LINGO2: variants seen among roughly 807,000 people sequenced by gnomAD.
The protein encoded by LINGO2 is leucine-rich repeat and immunoglobulin-like domain-containing nogo receptor-interacting protein 2.
LINGO2 carries 14 observed loss-of-function variants against 30.6 expected under a neutral mutation model. The ratio of observed to expected loss-of-function variants is 0.46; its 90% confidence interval spans 0.30 to 0.72. LINGO2 has a LOEUF of 0.72. Ranked by LOEUF, LINGO2 falls within the 30% of genes least tolerant of loss-of-function variation. The pLI, the probability that LINGO2 is intolerant of heterozygous loss-of-function variation, is 0.07. For synonymous variants in LINGO2, 317 were observed against 288.5 expected, an observed-to-expected ratio of 1.10 and a Z score of -1.00; for missense variants, 729 against 751.7, an observed-to-expected ratio of 0.97 and a Z score of 0.35.
At chr9:28,705,155 A>C in the LINGO2 span, among the ~76,000 whole-genome samples, 13 of 151,868 alleles carry the variant, frequency 8.6e-5, no homozygotes, top group African/African-American at 2.9e-4. Context: ...GAGCTCAAGC[A>C]ATCCACCCGT....
At chr9:28,598,418 C>CAAAAAAAAA (rs766825127) in intron 1 of LINGO2, among the ~76,000 whole-genome samples, 3 of 109,020 alleles carry the variant, frequency 2.8e-5, no homozygotes, top group South Asian at 3.1e-4. Context: ...TTCTCCATAT[C>CAAAAAAAAA]AAAAAAAAAA....
intron 3 of LINGO2, among the ~76,000 whole-genome samples, chr9:28,322,177 C>T (rs1470540681): frequency 1.3e-5 from 2 of 152,226 alleles, no homozygotes; most frequent in Admixed American, 1.3e-4. Context: ...GCCTGTGCTC[C>T]AACTGTCCCT....
Position 28,184,911 on chromosome 9 carries a change from C to T in LINGO2, c.-87+110297G>A, listed in dbSNP as rs74468441. Among the ~76,000 whole-genome samples, 1,175 of 152,070 alleles carry T rather than the reference C, an allele frequency of 7.7e-3. 19 individuals carry two copies. The highest frequency in any genetic ancestry group is 0.025 in the African/African-American group (1,044 of 41,494). On this transcript the variant is annotated intron_variant, in intron 4 of 5. Transcript: ENST00000379992. ...TTCTCTGGAGAGCATACTAATGATA[C>T]GGTGGCTGTTGAAAGAAAGGGGAAA... is the stretch of plus-strand genomic sequence containing the variant.
At chr9:28,631,694 C>G (rs1285165186) in intron 1 of LINGO2, among the ~76,000 whole-genome samples, 1 of 152,010 alleles carries the variant, frequency 6.6e-6, no homozygotes, top group African/African-American at 2.4e-5. Flanking sequence ...CAAACAGAAG[C>G]ACATATGTTG....
intron 1 of LINGO2, among the ~76,000 whole-genome samples, chr9:28,633,551 TTA>T (rs1282511119): frequency 2.0e-5 from 3 of 152,150 alleles, no homozygotes; most frequent in African/African-American, 7.2e-5. Context: ...CTTAAATAAT[TTA>T]TGTGTCTTTT....
chr9:28,542,413 C>T (rs1228742058), intron 1 of LINGO2, among the ~76,000 whole-genome samples: 4 of 151,966 alleles, frequency 2.6e-5, no homozygotes, highest in African/African-American at 9.7e-5. Flanking sequence ...CTCTGAGAGG[C>T]TCTTGTGCCA....
At chr9:28,745,219 C>A in the LINGO2 span, among the ~76,000 whole-genome samples, 36 of 152,082 alleles carry the variant, frequency 2.4e-4, no homozygotes, top group Non-Finnish European at 5.0e-4. Flanking sequence ...TATGGGTTGC[C>A]CCTGAGTCAG....
intron 4 of LINGO2, among the ~76,000 whole-genome samples, chr9:28,242,512 A>G (rs1052290146): frequency 6.6e-6 from 1 of 152,182 alleles, no homozygotes; most frequent in African/African-American, 2.4e-5. Context: ...AGTACCTGAA[A>G]GAGACAGGGT....
chr9:28,201,712 T>C (rs1455551908), intron 4 of LINGO2, among the ~76,000 whole-genome samples: 1 of 152,116 alleles, frequency 6.6e-6, no homozygotes, highest in East Asian at 1.9e-4. Context: ...AAAAGTGTTA[T>C]AATGCCATTT....
rs147973482 is a variant in LINGO2 at position 28,208,672 on chromosome 9, G to A, written c.-87+86536C>T. On this transcript the variant is annotated intron_variant, in intron 4 of 5. Coordinates refer to ENST00000379992, the Ensembl canonical transcript of LINGO2. ...TTGCTATCACTATGTTGGCTGGGTG[G>A]GGAGACCTAGGCCTTTAACTGCTTC... Among the ~76,000 whole-genome samples, 107 of 151,956 alleles carry A rather than the reference G, an allele frequency of 7.0e-4. 2 individuals carry two copies. The highest frequency in any genetic ancestry group is 2.5e-3 in the African/African-American group (103 of 41,506).
chr9:28,829,058 C>T, the LINGO2 span, among the ~76,000 whole-genome samples: 3 of 152,084 alleles, frequency 2.0e-5, no homozygotes, highest in Non-Finnish European at 4.4e-5. Context: ...CCCCATCCTG[C>T]AGCCATAAAA....
chr9:28,309,909 T>G (rs1051897175), intron 3 of LINGO2, among the ~76,000 whole-genome samples: 2 of 152,034 alleles, frequency 1.3e-5, no homozygotes, highest in Non-Finnish European at 2.9e-5. Flanking sequence ...CATGAAATGA[T>G]GCTCAATGTG....
chr9:28,594,724 C>T (rs530129026), intron 1 of LINGO2, among the ~76,000 whole-genome samples: 38 of 152,124 alleles, frequency 2.5e-4, no homozygotes, highest in African/African-American at 8.9e-4. Flanking sequence ...AAAAGCTTAG[C>T]GTGGAAAACA....
chr9:28,171,719 A>C (rs961036659), intron 4 of LINGO2, among the ~76,000 whole-genome samples: 1 of 152,090 alleles, frequency 6.6e-6, no homozygotes, highest in Admixed American at 6.6e-5. Flanking sequence ...CAATAAAAAC[A>C]GCATCTCTGC....
intron 4 of LINGO2, among the ~76,000 whole-genome samples, chr9:28,290,757 A>AT (rs371514224): frequency 3.3e-5 from 5 of 152,038 alleles, no homozygotes; most frequent in East Asian, 1.9e-4. Flanking sequence ...TTGATACTTT[A>AT]TTTTTTTTCA....
At chr9:28,168,519 A>G (rs555159903) in intron 4 of LINGO2, among the ~76,000 whole-genome samples, 1 of 152,344 alleles carries the variant, frequency 6.6e-6, no homozygotes, top group South Asian at 2.1e-4. Context: ...ACCTTTCATA[A>G]CAGGTGTTAT....
At chr9:29,034,124 T>C in the LINGO2 span, among the ~76,000 whole-genome samples, 1 of 151,956 alleles carries the variant, frequency 6.6e-6, no homozygotes, top group Admixed American at 6.6e-5. Flanking sequence ...ATTTGTTAAA[T>C]AGATGTATGA....
chr9:28,586,035 T>A (rs1824521411), intron 1 of LINGO2, among the ~76,000 whole-genome samples: 1 of 151,654 alleles, frequency 6.6e-6, no homozygotes, highest in Non-Finnish European at 1.5e-5. Flanking sequence ...AATTTTGTTT[T>A]TTTTTGTGCA....
intron 1 of LINGO2, among the ~76,000 whole-genome samples, chr9:28,490,699 T>G (rs1826361039): frequency 6.6e-6 from 1 of 152,194 alleles, no homozygotes; most frequent in Non-Finnish European, 1.5e-5. Context: ...AATATCAACA[T>G]TTTAATGGTT....
Sources: gnomAD v4.1 joint callset for allele counts (sites outside exome capture counted in the v4.1 genomes callset) on GRCh38, gnomAD v4.1.1 for gene constraint, MANE v1.5 for transcripts, NCBI Gene and HGNC (gene_info 2026-07-23, HGNC 2026-07-21) for gene names.